The following ADGRL2 variants were observed in gnomAD, a reference collection of about 807,000 sequenced individuals.
The protein encoded by ADGRL2 is calcium-independent alpha-latrotoxin receptor 2.
Under a neutral mutation model 157.4 loss-of-function variants are expected in ADGRL2, and 44 were observed. That is an observed-to-expected ratio of 0.28 (90% CI 0.22 to 0.36). ADGRL2 has a LOEUF of 0.36. ADGRL2 is among the 10% of genes least tolerant of loss of function. ADGRL2 has a pLI of 1.00. For missense variants in ADGRL2, 1,510 were observed against 1,768.9 expected, an observed-to-expected ratio of 0.85 and a Z score of 2.63; for synonymous variants, 585 against 624.7, an observed-to-expected ratio of 0.94 and a Z score of 0.95.
chr1:81,920,124 A>G (rs1293180414), intron 3 of ADGRL2, among the ~76,000 whole-genome samples: 1 of 152,146 alleles, frequency 6.6e-6, no homozygotes, highest in Non-Finnish European at 1.5e-5. Context: ...TTGAGAAGCA[A>G]TGGTTTTATT....
At chr1:81,618,662 T>C (rs1003349870) in intron 3 of ADGRL2, among the ~76,000 whole-genome samples, 20 of 152,294 alleles carry the variant, frequency 1.3e-4, no homozygotes, top group Admixed American at 3.3e-4. Flanking sequence ...GAATAAAACA[T>C]GTTGCAATTG....
intron 3 of ADGRL2, among the ~76,000 whole-genome samples, chr1:81,668,537 A>ATTT (rs66582292): frequency 6.6e-6 from 1 of 151,426 alleles, no homozygotes; most frequent in Non-Finnish European, 1.5e-5. Flanking sequence ...ACTTGCTTGG[A>ATTT]TTTTGTTTTT....
At chr1:81,813,151 T>TA (rs2090042619) in intron 1 of ADGRL2, among the ~76,000 whole-genome samples, 1 of 151,764 alleles carries the variant, frequency 6.6e-6, no homozygotes, top group Admixed American at 6.6e-5. Flanking sequence ...TACATTTTAT[T>TA]AAAAAATCAA....
At chr1:81,895,076 T>G (rs1003566184) in intron 2 of ADGRL2, among the ~76,000 whole-genome samples, 1 of 152,306 alleles carries the variant, frequency 6.6e-6, no homozygotes, top group South Asian at 2.1e-4. Flanking sequence ...TATAGTGTCT[T>G]TCCTTTCTAA....
chr1:81,616,863 G>C (rs1290903115), intron 3 of ADGRL2, among the ~76,000 whole-genome samples: 1 of 151,760 alleles, frequency 6.6e-6, no homozygotes, highest in Non-Finnish European at 1.5e-5. Flanking sequence ...TTTTTGTAGA[G>C]GCAAGGGTTT....
chr1:81,429,400 C>T (rs1205120194), intron 1 of ADGRL2, among the ~76,000 whole-genome samples: 1 of 152,172 alleles, frequency 6.6e-6, no homozygotes, highest in East Asian at 1.9e-4. Context: ...CTCTAATTAG[C>T]TAATTTGAGC....
chr1:81,765,521 T>C (rs968299070), intron 2 of ADGRL2, among the ~76,000 whole-genome samples: 2 of 152,016 alleles, frequency 1.3e-5, no homozygotes, highest in Non-Finnish European at 2.9e-5. Context: ...TATATTTTAT[T>C]GATATGTATT....
intron 2 of ADGRL2, among the ~76,000 whole-genome samples, chr1:81,551,994 A>G (rs1337143610): frequency 6.6e-6 from 1 of 152,202 alleles, no homozygotes; most frequent in African/African-American, 2.4e-5. Flanking sequence ...TTTTGTTCTC[A>G]TCTTCCATCT....
At chr1:81,905,344 C>T (rs1421675522) in intron 2 of ADGRL2, among the ~76,000 whole-genome samples, 1 of 152,072 alleles carries the variant, frequency 6.6e-6, no homozygotes, top group Non-Finnish European at 1.5e-5. Flanking sequence ...GTGATCCACC[C>T]GCCTCAGCCT....
chr1:81,549,481 A>T lies in ADGRL2; in HGVS notation c.-247-31395A>T, dbSNP rs557992780. On this transcript the variant is annotated intron_variant, in intron 2 of 24. Transcript: ENST00000370721. Reference sequence around the variant, plus strand: ...TATCACCTGCAAATGGTCTCCTAGTAACTACTGACATGCCAAATAGTTGGG... The same window carrying T: ...TATCACCTGCAAATGGTCTCCTAGTTACTACTGACATGCCAAATAGTTGGG... Among the ~76,000 whole-genome samples the T allele has an allele frequency of 9.8e-5, 15 of 152,306 alleles. No individual in the cohort carries two copies. In the East Asian group the frequency reaches 2.7e-3, roughly 27 times the overall value.
intron 2 of ADGRL2, among the ~76,000 whole-genome samples, chr1:81,550,722 G>A (rs1337200041): frequency 1.3e-5 from 2 of 151,800 alleles, no homozygotes; most frequent in Non-Finnish European, 2.9e-5. Context: ...TCTGGGTAAA[G>A]GTATCATTTC....
intron 2 of ADGRL2, among the ~76,000 whole-genome samples, chr1:81,452,207 G>C (rs1031798765): frequency 5.3e-5 from 8 of 152,114 alleles, no homozygotes; most frequent in Admixed American, 5.2e-4. Context: ...AGCTCATTGG[G>C]AAAGACTTTA....
chr1:81,940,959 ACT>A (rs1647723316), intron 4 of ADGRL2, among the ~76,000 whole-genome samples: 3 of 149,360 alleles, frequency 2.0e-5, no homozygotes, highest in African/African-American at 4.9e-5. Flanking sequence ...TCCTCATGTA[ACT>A]CTACTAATCA....
At chr1:81,949,531 T>C (rs1210076960) in intron 6 of ADGRL2, among the ~76,000 whole-genome samples, 5 of 152,224 alleles carry the variant, frequency 3.3e-5, no homozygotes, top group Admixed American at 6.5e-5. Context: ...CACCTCTGAC[T>C]GGAACTAGCT....
intron 3 of ADGRL2, among the ~76,000 whole-genome samples, chr1:81,621,877 A>G (rs566965982): frequency 6.6e-6 from 1 of 152,294 alleles, no homozygotes; most frequent in African/African-American, 2.4e-5. Flanking sequence ...TGGATCAAAG[A>G]CACAGCTTGA....
chr1:81,544,565 C>T (rs2079967248), intron 2 of ADGRL2, among the ~76,000 whole-genome samples: 1 of 152,136 alleles, frequency 6.6e-6, no homozygotes, highest in Admixed American at 6.5e-5. Context: ...TTTTATCACT[C>T]CTTTCTCTGT....
At chr1:81,775,249 A>C (rs2086532716) in intron 2 of ADGRL2, among the ~76,000 whole-genome samples, 1 of 152,188 alleles carries the variant, frequency 6.6e-6, no homozygotes, top group Non-Finnish European at 1.5e-5. Flanking sequence ...TTCTTACTTT[A>C]AATATAAAAT....
At chr1:81,317,349 T>G (rs914924558) in intron 1 of ADGRL2, among the ~76,000 whole-genome samples, 5 of 152,172 alleles carry the variant, frequency 3.3e-5, no homozygotes, top group African/African-American at 1.2e-4. Context: ...TCTGGCTCAC[T>G]GCTTTTCATC....
At chr1:81,583,636 A>C (rs2148553553) in intron 3 of ADGRL2, among the ~76,000 whole-genome samples, 1 of 61,442 alleles carries the variant, frequency 1.6e-5, no homozygotes, top group East Asian at 6.5e-4. Flanking sequence ...GTGAGTTCTC[A>C]GATTTTTATG....
Sources: gnomAD v4.1 joint callset for allele counts (sites outside exome capture counted in the v4.1 genomes callset) on GRCh38, gnomAD v4.1.1 for gene constraint, MANE v1.5 for transcripts, NCBI Gene and HGNC (gene_info 2026-07-23, HGNC 2026-07-21) for gene names.